DST: variants seen among roughly 807,000 people sequenced by gnomAD.
The protein encoded by DST is bullous pemphigoid antigen.
DST carries 253 observed loss-of-function variants against 875.2 expected under a neutral mutation model. The observed-to-expected ratio is 0.29, with a 90% CI of 0.26 to 0.32. The LOEUF (loss-of-function observed/expected upper bound fraction) is 0.32, where lower values mean the gene tolerates loss of function less well. DST is among the 10% of genes least tolerant of loss of function. The pLI is 1.00. For missense variants in DST, 8,287 were observed against 9,111.6 expected (o/e 0.91, Z 3.68); for synonymous variants, 3,124 against 3,197.1 (o/e 0.98, Z 0.77).
intron 36 of DST, chr6:56,617,954 T>C: frequency 6.4e-7 from 1 of 1,567,016 alleles, no homozygotes; most frequent in Non-Finnish European, 8.8e-7. Context: ...TGACATTAGG[T>C]AGCTGATAAG....
chr6:56,587,727 A>C (rs1466604942), intron 49 of DST, among the ~76,000 whole-genome samples: 2 of 152,204 alleles, frequency 1.3e-5, no homozygotes, highest in Non-Finnish European at 2.9e-5. Flanking sequence ...CAGAAACTCT[A>C]CAAGCCAGAA....
At position 56,600,209 on chromosome 6, in the gene DST, G is replaced by C. The variant is rs761430797; in HGVS notation, c.11554C>G (p.Arg3852Gly). ...AGTTTCTCTTTATACTCCTGCTGAC[G>C]CTCTGCTACAATCTAAAGTGAAGAA... ...DLDDQKIVAE[R>G]QQEYKEKLQG... is the part of the protein sequence containing the mutation. Residue 3852 changes from arginine (R) to glycine (G), a missense_variant, in exon 45 of 104, where the codon CGT becomes GGT. By Grantham distance (125) the Arg-to-Gly change is moderately radical. This residue lies in a region of DST where 3,138 missense variants were observed against 3,116.6 expected (regional missense o/e 1.01). Transcript: ENST00000680361. The C allele has an allele frequency of 3.1e-6, 5 of 1,611,524 alleles. No homozygotes were observed. In the African/African-American group the frequency reaches 5.3e-5, roughly 17 times the overall value.
chr6:56,702,045 T>C (rs2099310598), intron 7 of DST, 80 bp from the exon 8 acceptor site: 2 of 830,918 alleles, frequency 2.4e-6, no homozygotes, highest in Non-Finnish European at 3.9e-6. Flanking sequence ...TTTCTGTTCA[T>C]CTTAATATAT....
At chr6:56,908,405 T>C (rs886582091) in intron 2 of DST, among the ~76,000 whole-genome samples, 2 of 152,188 alleles carry the variant, frequency 1.3e-5, no homozygotes, top group African/African-American at 4.8e-5. Context: ...ATTTAAAATA[T>C]GGTTCAATTA....
intron 61 of DST, among the ~76,000 whole-genome samples, chr6:56,543,086 C>T (rs2097164668): frequency 6.6e-6 from 1 of 152,162 alleles, no homozygotes; most frequent in Non-Finnish European, 1.5e-5. Flanking sequence ...GGAGGGGATC[C>T]GTAGGGCTTG....
intron 36 of DST, among the ~76,000 whole-genome samples, chr6:56,622,217 T>C (rs2098695971): frequency 6.6e-6 from 1 of 152,162 alleles, no homozygotes; most frequent in Non-Finnish European, 1.5e-5. Context: ...AAACTAAAAA[T>C]TCCCTCAGAA....
Position 56,530,153 on chromosome 6 carries a change from T to C in DST, c.17109-20A>G. ...CGATTCCTACAAATGTGCCAAAAGGTCATTTAGGGATGAAGAATGTGTGAA... is the reference window on the plus strand; with the variant it reads ...CGATTCCTACAAATGTGCCAAAAGGCCATTTAGGGATGAAGAATGTGTGAA... On this transcript the variant is annotated intron_variant, in intron 64 of 103. Coordinates refer to ENST00000680361, the MANE Select transcript of DST (RefSeq NM_001374736.1). 6.5e-7 allele frequency: 1 copy of C among 1,545,050 alleles called. No individual in the cohort carries two copies. Among genetic ancestry groups the C allele is most frequent in the Non-Finnish European group, 8.7e-7 (1 of 1,148,726 alleles).
At chr6:56,926,995 T>C (rs1470658969) in intron 2 of DST, among the ~76,000 whole-genome samples, 1 of 152,178 alleles carries the variant, frequency 6.6e-6, no homozygotes, top group Non-Finnish European at 1.5e-5. Context: ...CAGCAGAGAC[T>C]GGCAACAGCA....
intron 4 of DST, among the ~76,000 whole-genome samples, chr6:56,764,475 C>T (rs1589845768): frequency 6.6e-6 from 1 of 152,150 alleles, no homozygotes; most frequent in African/African-American, 2.4e-5. Context: ...GCTGCAGGTG[C>T]GGTATGTTTA....
chr6:56,939,112 T>TG (rs1396040037), intron 2 of DST, among the ~76,000 whole-genome samples: 1 of 152,256 alleles, frequency 6.6e-6, no homozygotes, highest in Non-Finnish European at 1.5e-5. Flanking sequence ...AATAAGGATA[T>TG]GCCTCCCAGG....
At chr6:56,625,899 G>T (rs890416283) in intron 34 of DST, among the ~76,000 whole-genome samples, 1 of 147,142 alleles carries the variant, frequency 6.8e-6, no homozygotes, top group Non-Finnish European at 1.5e-5. Context: ...TGATATTGAT[G>T]ATCTTGACTC....
chr6:56,708,680 G>C (rs918343099), intron 5 of DST, among the ~76,000 whole-genome samples: 3 of 152,144 alleles, frequency 2.0e-5, no homozygotes, highest in African/African-American at 7.2e-5. Flanking sequence ...GCACAAATGA[G>C]TGGAATAAAA....
At chr6:56,634,295 T>C in intron 26 of DST, 37 bp from the exon 27 acceptor site, 1 of 1,613,478 alleles carries the variant, frequency 6.2e-7, no homozygotes, top group Non-Finnish European at 8.5e-7. Context: ...TTAATGTTTT[T>C]ACTCCCTCTG....
intron 3 of DST, among the ~76,000 whole-genome samples, chr6:56,867,854 C>T (rs2127602647): frequency 6.6e-6 from 1 of 152,074 alleles, no homozygotes; most frequent in East Asian, 1.9e-4. Context: ...AATAGTAGGG[C>T]TCTCATTTCA....
intron 5 of DST, among the ~76,000 whole-genome samples, chr6:56,708,979 A>T (rs2099351819): frequency 6.6e-6 from 1 of 152,104 alleles, no homozygotes; most frequent in African/African-American, 2.4e-5. Flanking sequence ...CTCTTTTTGG[A>T]TATGTTCTCC....
intron 87 of DST, among the ~76,000 whole-genome samples, chr6:56,486,314 G>C (rs1261141353): frequency 2.4e-5 from 3 of 124,700 alleles, no homozygotes; most frequent in Admixed American, 2.1e-4. Context: ...AGTGAGCCGA[G>C]ATCCCGCCAC....
At chr6:56,943,873 T>C (rs1192218363) in intron 2 of DST, among the ~76,000 whole-genome samples, 1 of 152,040 alleles carries the variant, frequency 6.6e-6, no homozygotes, top group Admixed American at 6.6e-5. Context: ...TCCCAGCACT[T>C]TGGGAGACCA....
intron 2 of DST, among the ~76,000 whole-genome samples, chr6:56,914,318 TA>T (rs1484939653): frequency 6.6e-6 from 1 of 152,216 alleles, no homozygotes; most frequent in Non-Finnish European, 1.5e-5. Flanking sequence ...CTAGTCTGGA[TA>T]ATGTGGGGCA....
chr6:56,511,442 C>T, intron 72 of DST, 42 bp from the exon 73 acceptor site: 1 of 1,521,796 alleles, frequency 6.6e-7, no homozygotes, highest in Non-Finnish European at 8.9e-7. Flanking sequence ...CAGGGTCACA[C>T]CTCCATATTA....
Sources: gnomAD v4.1 joint callset for allele counts (sites outside exome capture counted in the v4.1 genomes callset) on GRCh38, gnomAD v4.1.1 for gene constraint, gnomAD v4.1.1 regional missense constraint, MANE v1.5 for transcripts, NCBI Gene and HGNC (gene_info 2026-07-23, HGNC 2026-07-21) for gene names.